The following SEC22C variants were observed in gnomAD, a reference collection of about 807,000 sequenced individuals.
SEC22C encodes the protein SEC22 homolog C, vesicle trafficking protein.
In SEC22C, 29 loss-of-function variants were observed where a neutral mutation model predicts 34.7. The observed-to-expected ratio is 0.84, with a 90% confidence interval of 0.62 to 1.14. The LOEUF (loss-of-function observed/expected upper bound fraction) is 1.14. Among genes scored for constraint, SEC22C ranks in the 50% most tolerant of loss-of-function variants. The probability of loss-of-function intolerance (pLI) is 0.00; values close to 1 mark genes in which losing one functional copy is unlikely to be tolerated. For synonymous variants in SEC22C, 117 were observed against 132.8 expected (o/e 0.88, Z 0.82); for missense variants, 337 against 369.0 (o/e 0.91, Z 0.71).
At position 42,590,998 on chromosome 3, in the gene SEC22C, G is replaced by A. The variant is rs1319777459; in HGVS notation, c.-28+9962C>T. Reference sequence around the variant, plus strand: ...ATCCACGCGGGCGGGCGGGCGGGCGGAGAGAAGTCGGGATCCCGAGGGGCT... The same window carrying A: ...ATCCACGCGGGCGGGCGGGCGGGCGAAGAGAAGTCGGGATCCCGAGGGGCT... On this transcript the variant is annotated intron_variant, in intron 1 of 6. Transcript: ENST00000417572. 2.6e-6 allele frequency: 4 copies of A among 1,549,452 alleles called. No homozygotes were observed. In the East Asian group the frequency reaches 7.2e-5, roughly 28 times the overall value.
At chr3:42,566,778 AG>A (rs1364730629) in intron 2 of SEC22C, 4 of 379,522 alleles carry the variant, frequency 1.1e-5, no homozygotes, top group Non-Finnish European at 2.1e-5. Context: ...CCAAGGCGGG[AG>A]GATCACTTGA....
chr3:42,594,337 C>A, intron 1 of SEC22C: 2 of 1,037,350 alleles, frequency 1.9e-6, no homozygotes, highest in South Asian at 1.3e-5. Flanking sequence ...AGCCATTCCA[C>A]TAGAGTGGGT....
At position 42,567,438 on chromosome 3, in the gene SEC22C, A is replaced by G. The variant is rs773774433; in HGVS notation, c.182+1427T>C. Among the ~76,000 whole-genome samples, 16 of 152,222 alleles carry G rather than the reference A, an allele frequency of 1.1e-4. No homozygotes were observed. In the South Asian group the frequency reaches 1.7e-3, roughly 16 times the overall value. ...CAGACTTTGGTGCCTAACTGCCTGCATTCAAATCCTGGGCTGACCCATTAC... is the reference window on the plus strand; with the variant it reads ...CAGACTTTGGTGCCTAACTGCCTGCGTTCAAATCCTGGGCTGACCCATTAC... On this transcript the variant is annotated intron_variant, in intron 2 of 6. Coordinates refer to ENST00000264454, the MANE Select transcript of SEC22C (RefSeq NM_032970.4).
Position 42,550,614 on chromosome 3 carries a change from A to G in SEC22C, c.*2634T>C. 9 of 985,236 alleles carry G rather than the reference A, an allele frequency of 9.1e-6. No homozygotes were observed. Among genetic ancestry groups the G allele is most frequent in the Non-Finnish European group, 9.6e-6 (8 of 829,914 alleles). The allele number at this position is 985,236 out of a possible 1,614,324, so 61.0% of individuals were successfully genotyped here. A position where few individuals can be genotyped will look rare whatever the true frequency, so the allele number is the denominator to read the frequency against. Reference sequence around the variant, plus strand: ...GTGCATCTTTTCCCTTTTGTTTGCAAAAGTCAATCTCACCCCATGTAGATG... The same window carrying G: ...GTGCATCTTTTCCCTTTTGTTTGCAGAAGTCAATCTCACCCCATGTAGATG... On this transcript the variant is annotated 3_prime_UTR_variant, in exon 7 of 7. Transcript: ENST00000264454.
chr3:42,588,141 C>T (rs1206843005), intron 1 of SEC22C, among the ~76,000 whole-genome samples: 3 of 151,934 alleles, frequency 2.0e-5, no homozygotes, highest in African/African-American at 4.8e-5. Flanking sequence ...CGGTGGCTCA[C>T]GCCTGTAATC....
At chr3:42,591,153 T>C in intron 1 of SEC22C, 1 of 653,386 alleles carries the variant, frequency 1.5e-6, no homozygotes, top group Non-Finnish European at 2.7e-6. Flanking sequence ...CGGCATGGGG[T>C]TCGGTCCCCC....
In SEC22C at chr3:42,548,859, C is replaced by A; in HGVS notation, c.*4389G>T. On this transcript the variant is annotated 3_prime_UTR_variant, in exon 7 of 7. Coordinates refer to ENST00000264454, the MANE Select transcript of SEC22C (RefSeq NM_032970.4). Reference sequence around the variant, plus strand: ...CCTGAAGCAGAAAAACCTTCATGTACCAGGTGAATGTAAAGCCTTTCTCCT... The same window carrying A: ...CCTGAAGCAGAAAAACCTTCATGTAACAGGTGAATGTAAAGCCTTTCTCCT... 7.2e-7 allele frequency: 1 copy of A among 1,395,914 alleles called. No homozygotes were observed. The highest frequency in any genetic ancestry group is 2.7e-4 in the Middle Eastern group (1 of 3,678). The allele number at this position is 1,395,914 out of a possible 1,614,324, so 86.5% of individuals were successfully genotyped here. A position where few individuals can be genotyped will look rare whatever the true frequency, so the allele number is the denominator to read the frequency against.
chr3:42,583,825 C>A (rs1704516325), upstream of SEC22C, among the ~76,000 whole-genome samples: 1 of 152,186 alleles, frequency 6.6e-6, no homozygotes, highest in South Asian at 2.1e-4. Flanking sequence ...CCCTAATCTC[C>A]TAACTCTAGG....
chr3:42,549,287 T>A lies in SEC22C; in HGVS notation c.*3961A>T. On this transcript the variant is annotated 3_prime_UTR_variant, in exon 7 of 7. Transcript: ENST00000264454. ...TCCCACCCCTGCCTGTCCTCACTTGTGCTGCACTATGCAAGCAAGCAGCAG... is the reference window on the plus strand; with the variant it reads ...TCCCACCCCTGCCTGTCCTCACTTGAGCTGCACTATGCAAGCAAGCAGCAG... The A allele has an allele frequency of 3.0e-6, 3 of 985,900 alleles. No homozygotes were observed. The highest frequency in any genetic ancestry group is 3.6e-6 in the Non-Finnish European group (3 of 830,270). 61.1% of individuals were successfully genotyped at this position (985,900 alleles called of 1,614,324 possible). A position where few individuals can be genotyped will look rare whatever the true frequency, so the allele number is the denominator to read the frequency against.
intron 1 of SEC22C, among the ~76,000 whole-genome samples, chr3:42,592,505 C>A (rs923990858): frequency 1.1e-4 from 16 of 152,168 alleles, no homozygotes. Context: ...CGACCTTATG[C>A]CCATTTCTTA....
chr3:42,571,947 C>T (rs777526640), intron 1 of SEC22C, among the ~76,000 whole-genome samples: 23 of 152,128 alleles, frequency 1.5e-4, no homozygotes, highest in Non-Finnish European at 2.4e-4. Flanking sequence ...GCACGAGAAT[C>T]GCTTGAATCC....
At position 42,557,658 on chromosome 3, in the gene SEC22C, T is replaced by C; in HGVS notation, c.565A>G (p.Ile189Val). The C allele has an allele frequency of 6.2e-7, 1 of 1,611,296 alleles. No homozygotes were observed. The highest frequency in any genetic ancestry group is 8.5e-7 in the Non-Finnish European group (1 of 1,178,030). ...ATGATGTTGAGAATGAGGGAGAGGA[T>C]ACCCAGGGCTGTCACTGGTTCCATT... ...FRMEPVTALG[I>V]LSLILNIMCA... Residue 189 changes from isoleucine (I) to valine (V), a missense_variant, in exon 5 of 7, where the codon ATC becomes GTC. Physicochemically the swap from Ile to Val is conservative, Grantham distance 29 (BLOSUM62 3). Transcript: ENST00000264454.
At chr3:42,574,363 C>CA (rs202174342) in intron 1 of SEC22C, among the ~76,000 whole-genome samples, 4,719 of 87,654 alleles carry the variant, frequency 0.054, 192 homozygotes, top group African/African-American at 0.11. Context: ...GACCCTGTCT[C>CA]AAAAAAAAAA....
chr3:42,549,223 A>T lies in SEC22C; in HGVS notation c.*4025T>A. ...ACATTTGGAATGTGAGCAATGTCTG[A>T]ACAGGGGCTTGCCAGGCACATCTGA... On this transcript the variant is annotated 3_prime_UTR_variant, in exon 7 of 7. Transcript: ENST00000264454. 1 of 986,656 alleles carries T rather than the reference A, an allele frequency of 1.0e-6. No homozygotes were observed. Among genetic ancestry groups the T allele is most frequent in the Non-Finnish European group, 1.2e-6 (1 of 830,714 alleles). 61.1% of individuals were successfully genotyped at this position (986,656 alleles called of 1,614,324 possible). A position where few individuals can be genotyped will look rare whatever the true frequency, so the allele number is the denominator to read the frequency against.
chr3:42,555,988 T>G lies in SEC22C; in HGVS notation c.653A>C (p.His218Pro). 1 of 1,613,050 alleles carries G rather than the reference T, an allele frequency of 6.2e-7. No individual in the cohort carries two copies. The highest frequency in any genetic ancestry group is 8.5e-7 in the Non-Finnish European group (1 of 1,179,288). Residue 218 changes from histidine to proline, a missense_variant, in exon 6 of 7, where the codon CAT becomes CCT. By Grantham distance (77) the His-to-Pro change is moderately conservative. Transcript: ENST00000264454. ...HLAEHSLQVA[H>P]EEIGNILAFL... The stretch of plus-strand genomic sequence containing the variant: ...AGCCAGAATGTTTCCAATTTCCTCA[T>G]GGGCAACCTAAAACAAATACAAGGA...
intron 1 of SEC22C, chr3:42,600,928 G>T: frequency 1.8e-6 from 2 of 1,128,104 alleles, no homozygotes. Context: ...CCTCGCCCCT[G>T]CCCTCGCCCC....
intron 5 of SEC22C, among the ~76,000 whole-genome samples, chr3:42,556,239 G>T (rs1702521102): frequency 1.3e-5 from 2 of 152,142 alleles, no homozygotes; most frequent in African/African-American, 4.8e-5. Flanking sequence ...CCTGGAATGG[G>T]CCGCCAATCC....
chr3:42,559,268 G>C (rs1263640992), intron 4 of SEC22C, among the ~76,000 whole-genome samples: 1 of 152,174 alleles, frequency 6.6e-6, no homozygotes, highest in Non-Finnish European at 1.5e-5. Flanking sequence ...GTTACTGTTA[G>C]AACAGAATAT....
chr3:42,591,368 T>G, intron 1 of SEC22C: 1 of 614,162 alleles, frequency 1.6e-6, no homozygotes, highest in Non-Finnish European at 2.9e-6. Context: ...CCGGCTAATT[T>G]TTGTATTTTT....
Sources: gnomAD v4.1 joint callset for allele counts (sites outside exome capture counted in the v4.1 genomes callset) on GRCh38, gnomAD v4.1.1 for gene constraint, MANE v1.5 for transcripts, NCBI Gene and HGNC (gene_info 2026-07-23, HGNC 2026-07-21) for gene names.